Variants in ARSG observed in about 807,000 individuals in gnomAD.
ARSG encodes the protein arylsulfatase G.
In ARSG, 37 loss-of-function variants were observed where a neutral mutation model predicts 50.5. The observed-to-expected ratio is 0.73, with a 90% CI of 0.56 to 0.96. The LOEUF is 0.96. Ranked by LOEUF, ARSG falls within the 50% of genes least tolerant of loss-of-function variation. The probability of loss-of-function intolerance (pLI) is 0.00; values close to 1 mark genes in which losing one functional copy is unlikely to be tolerated. For synonymous variants in ARSG, 225 were observed against 254.6 expected (o/e 0.88, Z 1.11); for missense variants, 629 against 675.3 (o/e 0.93, Z 0.76).
At chr17:68,400,848 C>T (rs1414339071) in intron 10 of ARSG, among the ~76,000 whole-genome samples, 1 of 152,134 alleles carries the variant, frequency 6.6e-6, no homozygotes, top group African/African-American at 2.4e-5. Context: ...GAGTTGTAAC[C>T]CACTCCCATC....
upstream of ARSG, among the ~76,000 whole-genome samples, chr17:68,289,792 CT>C (rs2075926687): frequency 6.6e-6 from 1 of 152,140 alleles, no homozygotes; most frequent in Non-Finnish European, 1.5e-5. Context: ...GAGGAAAGTC[CT>C]TTTTCGGAAA....
intron 2 of ARSG, among the ~76,000 whole-genome samples, chr17:68,332,193 C>T (rs1038527669): frequency 2.6e-5 from 4 of 152,176 alleles, no homozygotes; most frequent in South Asian, 2.1e-4. Flanking sequence ...CCCTTGGGAA[C>T]GCATTCTGCT....
At chr17:68,351,717 T>C (rs774453339) in intron 5 of ARSG, 31 bp downstream of exon 5, 26 of 1,465,160 alleles carry the variant, frequency 1.8e-5, no homozygotes, top group Non-Finnish European at 1.9e-6. Flanking sequence ...TGCGATAGGC[T>C]CCAGGACAAG....
At chr17:68,401,330 C>G in intron 10 of ARSG, 30 bp from the exon 11 acceptor site, 2 of 1,603,216 alleles carry the variant, frequency 1.2e-6, no homozygotes, top group South Asian at 2.2e-5. Context: ...GCCAATTTTT[C>G]TATTAGTAAG....
At chr17:68,312,101 G>C (rs1055675842) in intron 2 of ARSG, among the ~76,000 whole-genome samples, 3 of 151,996 alleles carry the variant, frequency 2.0e-5, no homozygotes, top group Non-Finnish European at 4.4e-5. Flanking sequence ...CGCCTGGCCT[G>C]TACTGTTGTT....
chr17:68,412,851 C>G (rs949198377), intron 11 of ARSG, among the ~76,000 whole-genome samples: 30 of 152,142 alleles, frequency 2.0e-4, no homozygotes, highest in Admixed American at 2.0e-3. Context: ...AACTTCCCTT[C>G]TCGCTTCATT....
intron 8 of ARSG, among the ~76,000 whole-genome samples, chr17:68,383,643 G>A (rs1255796972): frequency 6.6e-6 from 1 of 152,218 alleles, no homozygotes; most frequent in Non-Finnish European, 1.5e-5. Flanking sequence ...GCCCTAAGCT[G>A]ACGCATAAGT....
the ARSG span, chr17:68,448,292 A>G: frequency 1.3e-5 from 2 of 152,240 alleles, no homozygotes; most frequent in African/African-American, 4.8e-5. Context: ...CAAACCCCCA[A>G]TACTTCCCAG....
chr17:68,262,364 G>A (rs1185558283), intron 1 of ARSG, among the ~76,000 whole-genome samples: 4 of 151,406 alleles, frequency 2.6e-5, no homozygotes, highest in South Asian at 2.1e-4. Flanking sequence ...CCAGCTACTC[G>A]GGAGGCTGAG....
At chr17:68,285,301 A>C (rs559737801) in intron 1 of ARSG, among the ~76,000 whole-genome samples, 4 of 152,142 alleles carry the variant, frequency 2.6e-5, no homozygotes, top group Non-Finnish European at 4.4e-5. Context: ...CAAAACATAT[A>C]GTGATAAAAT....
upstream of ARSG, among the ~76,000 whole-genome samples, chr17:68,289,561 G>A (rs192526836): frequency 6.6e-6 from 1 of 152,198 alleles, no homozygotes; most frequent in Non-Finnish European, 1.5e-5. Flanking sequence ...GCGTAGCCCG[G>A]AGAACAGCTT....
chr17:68,301,450 G>A (rs750603812), intron 1 of ARSG, among the ~76,000 whole-genome samples: 3 of 152,174 alleles, frequency 2.0e-5, no homozygotes, highest in Non-Finnish European at 2.9e-5. Context: ...CAGGTGGTGC[G>A]AGTACAGGGT....
chr17:68,317,377 G>C (rs1478625531), intron 2 of ARSG, among the ~76,000 whole-genome samples: 1 of 152,044 alleles, frequency 6.6e-6, no homozygotes, highest in African/African-American at 2.4e-5. Context: ...GTTATAATCA[G>C]CTCTCTGCCA....
In ARSG at chr17:68,367,521, GC is replaced by G. The variant is rs2079603306; in HGVS notation, c.705-1022del. ...CCATGGATGGATCTGTGGGAGAGGG[GC>G]CCCCTGAAGGTCCCTGCCACCGTTG... On this transcript the variant is annotated intron_variant, in intron 6 of 11. Transcript: ENST00000621439. The surrounding 1 kb of genome is among the most constrained non-coding windows in gnomAD (Gnocchi z 4.5). Among the ~76,000 whole-genome samples the G allele has an allele frequency of 6.6e-6, 1 of 152,162 alleles. No homozygotes were observed. Among genetic ancestry groups the G allele is most frequent in the Non-Finnish European group, 1.5e-5 (1 of 68,036 alleles).
At chr17:68,444,094 T>C in the ARSG span, among the ~76,000 whole-genome samples, 1 of 152,212 alleles carries the variant, frequency 6.6e-6, no homozygotes, top group Admixed American at 6.5e-5. Context: ...TTGCTGGCCA[T>C]GCAGACACGC....
chr17:68,420,126 C>T (rs374906482), intron 11 of ARSG, 63 bp from the exon 12 acceptor site: 28 of 1,567,342 alleles, frequency 1.8e-5, no homozygotes, highest in Middle Eastern at 2.3e-4. Context: ...TCGCAGCTCT[C>T]GTCTTTACAA....
At chr17:68,437,555 A>C in the ARSG span, among the ~76,000 whole-genome samples, 1 of 143,468 alleles carries the variant, frequency 7.0e-6, no homozygotes, top group Non-Finnish European at 1.5e-5. Flanking sequence ...CTGTCTTAAG[A>C]AAAAAAAAAA....
chr17:68,406,663 G>A (rs1156729949), intron 11 of ARSG, among the ~76,000 whole-genome samples: 1 of 151,966 alleles, frequency 6.6e-6, no homozygotes, highest in Non-Finnish European at 1.5e-5. Flanking sequence ...ATGTTTGTTG[G>A]CCATTTGTAT....
At chr17:68,366,625 C>G (rs903164004) in intron 6 of ARSG, among the ~76,000 whole-genome samples, 1 of 151,964 alleles carries the variant, frequency 6.6e-6, no homozygotes, top group Non-Finnish European at 1.5e-5. Context: ...AGCTGCTAGC[C>G]TCTAGCCACC....
Sources: allele counts gnomAD v4.1 joint callset (sites outside exome capture counted in the v4.1 genomes callset), GRCh38; gene constraint gnomAD v4.1.1; non-coding constraint Gnocchi (gnomAD v3.1); transcripts MANE v1.5; gene names NCBI Gene and HGNC (gene_info 2026-07-23, HGNC 2026-07-21).